The following CYTH3 variants were observed in gnomAD, a reference collection of about 807,000 sequenced individuals.
CYTH3 encodes cytohesin 3.
In CYTH3, 23 loss-of-function variants were observed where a neutral mutation model predicts 55.1. The ratio of observed to expected loss-of-function variants is 0.42; its 90% confidence interval spans 0.30 to 0.59. CYTH3 has a LOEUF of 0.59. CYTH3 is among the 20% of genes least tolerant of loss of function. The pLI is 0.20. For missense variants in CYTH3, 413 were observed against 524.8 expected (o/e 0.79, Z 2.08); for synonymous variants, 249 against 194.9 (o/e 1.28, Z -2.31).
chr7:6,209,547 G>A (rs1383437776), intron 1 of CYTH3, among the ~76,000 whole-genome samples: 6 of 152,224 alleles, frequency 3.9e-5, no homozygotes, highest in Non-Finnish European at 7.3e-5. Flanking sequence ...CACTTTGGAA[G>A]ACAGTTTGGC....
chr7:6,222,764 AC>A (rs902325546), intron 1 of CYTH3, among the ~76,000 whole-genome samples: 6 of 150,262 alleles, frequency 4.0e-5, no homozygotes, highest in Non-Finnish European at 8.9e-5. Flanking sequence ...AAAAAACAAA[AC>A]CCAAAAAAGC....
At chr7:6,251,201 G>A (rs1296240185) in intron 1 of CYTH3, among the ~76,000 whole-genome samples, 1 of 152,154 alleles carries the variant, frequency 6.6e-6, no homozygotes, top group African/African-American at 2.4e-5. Context: ...CGTGAATCCA[G>A]GTGGCGGAGG....
Position 6,170,738 on chromosome 7 carries a change from G to T in CYTH3, c.711+92C>A, listed in dbSNP as rs1783158907. The T allele has an allele frequency of 2.6e-5, 40 of 1,566,188 alleles. 1 individual carries two copies. In the South Asian group the frequency reaches 4.5e-4, roughly 18 times the overall value. Reference sequence around the variant, plus strand: ...TCAGCGGGACCAGGGCGGCAAGGAGGCTTGGGAGGCGTGTCTAGAGCCGCG... The same window carrying T: ...TCAGCGGGACCAGGGCGGCAAGGAGTCTTGGGAGGCGTGTCTAGAGCCGCG... On this transcript the variant is annotated intron_variant, in intron 8 of 12. Transcript: ENST00000350796. The surrounding 1 kb of genome is among the most constrained non-coding windows in gnomAD (Gnocchi z 7.8).
intron 1 of CYTH3, among the ~76,000 whole-genome samples, chr7:6,254,314 G>A (rs1780047593): frequency 6.6e-6 from 1 of 152,194 alleles, no homozygotes; most frequent in South Asian, 2.1e-4. Flanking sequence ...AACAACTGGG[G>A]AAAGCAGAAT....
At chr7:6,259,800 T>TATATATATAC (rs1780283849) in intron 1 of CYTH3, among the ~76,000 whole-genome samples, 1 of 25,512 alleles carries the variant, frequency 3.9e-5, no homozygotes, top group African/African-American at 4.7e-4. Flanking sequence ...TATATATATA[T>TATATATATAC]ATATATATAT....
At chr7:6,186,955 G>A in intron 4 of CYTH3, 95 bp downstream of exon 4, 2 of 1,267,184 alleles carry the variant, frequency 1.6e-6, no homozygotes, top group Non-Finnish European at 2.3e-6. Context: ...AGGTGACAGG[G>A]CGGACCACCT....
chr7:6,170,712 C>G lies in CYTH3; in HGVS notation c.712-66G>C. 2 of 1,578,536 alleles carry G rather than the reference C, an allele frequency of 1.3e-6. No homozygotes were observed. The highest frequency in any genetic ancestry group is 2.3e-5 in the South Asian group (2 of 87,198). The stretch of plus-strand genomic sequence containing the variant: ...GGAAAATGGCTGGCCGGGCAGAAAG[C>G]TCAGCGGGACCAGGGCGGCAAGGAG... On this transcript the variant is annotated intron_variant, in intron 8 of 12. Transcript: ENST00000350796. This position sits in a 1 kb window ranked among gnomAD's most constrained non-coding sequence, Gnocchi z 7.8.
intron 6 of CYTH3, among the ~76,000 whole-genome samples, chr7:6,173,335 G>C (rs1003875798): frequency 6.6e-6 from 1 of 152,144 alleles, no homozygotes; most frequent in East Asian, 1.9e-4. Context: ...GAGCACCAAC[G>C]CCACGCCATA....
intron 11 of CYTH3, 24 bp downstream of exon 11, chr7:6,165,521 G>C (rs1388328521): frequency 6.2e-7 from 1 of 1,612,166 alleles, no homozygotes; most frequent in Admixed American, 1.7e-5. Context: ...TGGCAGGAGA[G>C]AAGGTTCAGG....
At chr7:6,262,937 G>C (rs1273110665) in intron 1 of CYTH3, among the ~76,000 whole-genome samples, 1 of 151,794 alleles carries the variant, frequency 6.6e-6, no homozygotes, top group African/African-American at 2.4e-5. Context: ...TGTTTAAGTG[G>C]AGGCAAAGTA....
chr7:6,234,189 G>A (rs903396875), intron 1 of CYTH3, among the ~76,000 whole-genome samples: 1 of 152,346 alleles, frequency 6.6e-6, no homozygotes, highest in Middle Eastern at 3.4e-3. Flanking sequence ...CAGGAGTCTT[G>A]TGAGGGGGAC....
intron 4 of CYTH3, 32 bp downstream of exon 4, chr7:6,187,018 T>C (rs2128543142): frequency 6.2e-7 from 1 of 1,606,166 alleles, no homozygotes; most frequent in Non-Finnish European, 8.5e-7. Flanking sequence ...GTCCATCTCC[T>C]GCAGGCCAGA....
rs138794021 is a variant in CYTH3 at position 6,234,768 on chromosome 7, G to C, written c.34+37706C>G. Reference sequence around the variant, plus strand: ...CCCCTTTGAACAAGATCAACCCTTGGAGTTCTACAGGACAATTCTTGGTCA... The same window carrying C: ...CCCCTTTGAACAAGATCAACCCTTGCAGTTCTACAGGACAATTCTTGGTCA... On this transcript the variant is annotated intron_variant, in intron 1 of 12. Coordinates refer to ENST00000350796, the MANE Select transcript of CYTH3 (RefSeq NM_004227.4). Among the ~76,000 whole-genome samples, 936 of 152,302 alleles carry C rather than the reference G, an allele frequency of 6.1e-3. 16 individuals are homozygous for C. The highest frequency in any genetic ancestry group is 0.022 in the African/African-American group (899 of 41,564).
intron 1 of CYTH3, among the ~76,000 whole-genome samples, chr7:6,210,683 A>G (rs567350199): frequency 1.3e-5 from 2 of 152,220 alleles, no homozygotes; most frequent in Non-Finnish European, 2.9e-5. Flanking sequence ...CTTGTCAGTC[A>G]TTTTTTTCCA....
chr7:6,218,668 A>C lies in CYTH3; in HGVS notation c.35-28137T>G, dbSNP rs183083383. 2.6e-5 allele frequency among the ~76,000 whole-genome samples: 4 copies of C among 152,278 alleles called. No homozygotes were observed. In the East Asian group the frequency reaches 7.7e-4, roughly 29 times the overall value. Reference sequence around the variant, plus strand: ...ATAATTTTGAAGATGACGATACAGAAAGCCTAGATTGCCTTAAACAGATCA... The same window carrying C: ...ATAATTTTGAAGATGACGATACAGACAGCCTAGATTGCCTTAAACAGATCA... On this transcript the variant is annotated intron_variant, in intron 1 of 12. Coordinates refer to ENST00000350796, the MANE Select transcript of CYTH3 (RefSeq NM_004227.4).
At chr7:6,223,182 G>T (rs941320026) in intron 1 of CYTH3, among the ~76,000 whole-genome samples, 2 of 151,536 alleles carry the variant, frequency 1.3e-5, no homozygotes, top group South Asian at 2.1e-4. Context: ...GGGCGCCTCT[G>T]CCCGGCCGCC....
chr7:6,263,579 T>C (rs144606681), intron 1 of CYTH3, among the ~76,000 whole-genome samples: 3,603 of 152,170 alleles, frequency 0.024, 134 homozygotes, highest in African/African-American at 0.082. Context: ...GCGGATCACT[T>C]GAGGTCAGGA....
At position 6,170,742 on chromosome 7, in the gene CYTH3, G is replaced by C. The variant is rs1480879721; in HGVS notation, c.711+88C>G. On this transcript the variant is annotated intron_variant, in intron 8 of 12. Transcript: ENST00000350796. This position sits in a 1 kb window ranked among gnomAD's most constrained non-coding sequence, Gnocchi z 7.8. ...CGGGACCAGGGCGGCAAGGAGGCTT[G>C]GGAGGCGTGTCTAGAGCCGCGGGCG... 4 of 1,567,054 alleles carry C rather than the reference G, an allele frequency of 2.6e-6. No individual in the cohort carries two copies. Among genetic ancestry groups the C allele is most frequent in the South Asian group, 1.2e-5 (1 of 85,874 alleles).
intron 1 of CYTH3, among the ~76,000 whole-genome samples, chr7:6,248,543 C>G (rs1281041450): frequency 6.6e-6 from 1 of 152,182 alleles, no homozygotes; most frequent in African/African-American, 2.4e-5. Flanking sequence ...GGAAGGAGGA[C>G]TGTGGCGCCC....
Sources: allele counts gnomAD v4.1 joint callset (sites outside exome capture counted in the v4.1 genomes callset), GRCh38; gene constraint gnomAD v4.1.1; non-coding constraint Gnocchi (gnomAD v3.1); transcripts MANE v1.5; gene names NCBI Gene and HGNC (gene_info 2026-07-23, HGNC 2026-07-21).